RBAK: variants seen among roughly 807,000 people sequenced by gnomAD.
RBAK encodes the protein RB associated KRAB zinc finger.
In RBAK, 39 loss-of-function variants were observed where a neutral mutation model predicts 65.8. The observed-to-expected ratio is 0.59, with a 90% CI of 0.46 to 0.77. The LOEUF is 0.77. RBAK is among the 30% of genes least tolerant of loss of function. RBAK has a pLI of 0.00. For missense variants in RBAK, 884 were observed against 855.1 expected (o/e 1.03, Z -0.42); for synonymous variants, 343 against 289.7 (o/e 1.18, Z -1.87).
chr7:5,059,931 A>T (rs1039794305), intron 4 of RBAK, among the ~76,000 whole-genome samples: 8 of 152,166 alleles, frequency 5.3e-5, no homozygotes, highest in African/African-American at 1.9e-4. Flanking sequence ...ATATATTCAA[A>T]GATTATATGT....
intron 2 of RBAK, among the ~76,000 whole-genome samples, chr7:5,050,102 G>T (rs1478873969): frequency 6.6e-6 from 1 of 152,180 alleles, no homozygotes; most frequent in Non-Finnish European, 1.5e-5. Context: ...CTCCCAAAGT[G>T]CTAGGATTAC....
chr7:5,051,352 A>C (rs1336121180), intron 2 of RBAK, among the ~76,000 whole-genome samples: 1 of 152,126 alleles, frequency 6.6e-6, no homozygotes, highest in Non-Finnish European at 1.5e-5. Context: ...ATATTTTTAT[A>C]TATTTTTTTT....
chr7:5,065,471 C>T lies in RBAK; in HGVS notation c.2015C>T (p.Thr672Ile). Residue 672 changes from threonine to isoleucine, a missense_variant, in exon 5 of 5, where the codon ACT becomes ATT. Transcript: ENST00000396912. The surrounding 1 kb of genome is among the most constrained non-coding windows in gnomAD (Gnocchi z 5.3). ...QKSYLTVHYRTHSGEKPYECN... is the reference protein window; with the variant it reads ...QKSYLTVHYRIHSGEKPYECN... Reference sequence around the variant, plus strand: ...TCATACCTCACTGTACACTATAGAACTCATTCAGGAGAGAAACCCTATGAA... The same window carrying T: ...TCATACCTCACTGTACACTATAGAATTCATTCAGGAGAGAAACCCTATGAA... 6.2e-7 allele frequency: 1 copy of T among 1,605,720 alleles called. No individual in the cohort carries two copies.
Position 5,057,434 on chromosome 7 carries a change from T to G in RBAK, c.142+13T>G, listed in dbSNP as rs748498522. 1 of 1,614,150 alleles carries G rather than the reference T, an allele frequency of 6.2e-7. No individual in the cohort carries two copies. The highest frequency in any genetic ancestry group is 1.7e-5 in the Admixed American group (1 of 60,026). On this transcript the variant is annotated intron_variant, in intron 3 of 4. Coordinates refer to ENST00000396912, the MANE Select transcript of RBAK (RefSeq NM_021163.4). ...CTAGTTTCTGTGGGTGAGAATAGCT[T>G]GCTTTCTGAATGCTCTCAGTTGAAT...
chr7:5,061,583 G>T (rs1386380033), intron 4 of RBAK, among the ~76,000 whole-genome samples: 2 of 150,084 alleles, frequency 1.3e-5, no homozygotes, highest in African/African-American at 4.9e-5. Context: ...GAGCCACCAT[G>T]CCCGGCATGA....
rs1397212014 is a variant in RBAK, at chr7:5,064,093, G to A, written c.637G>A (p.Ala213Thr). Residue 213 changes from alanine to threonine, a missense_variant, in exon 5 of 5, where the codon GCC (alanine) becomes ACC (threonine). Physicochemically the swap from Ala to Thr is moderately conservative, Grantham distance 58. Transcript: ENST00000396912. The surrounding 1 kb of genome is among the most constrained non-coding windows in gnomAD (Gnocchi z 6.3). The stretch of plus-strand genomic sequence containing the variant: ...CTTTGAATATAATGAATGCATGGAA[G>A]CCTTAGACAATGAGGCTGTTTTTAT... ...KPFEYNECME[A>T]LDNEAVFIAH... The A allele has an allele frequency of 6.2e-7, 1 of 1,613,912 alleles. No individual in the cohort carries two copies. The highest frequency in any genetic ancestry group is 8.5e-7 in the Non-Finnish European group (1 of 1,180,004).
chr7:5,051,403 T>G (rs570389982), intron 2 of RBAK, among the ~76,000 whole-genome samples: 1 of 152,310 alleles, frequency 6.6e-6, no homozygotes, highest in East Asian at 1.9e-4. Flanking sequence ...CATGCCTCTT[T>G]ACCTTATAAA....
Position 5,065,565 on chromosome 7 carries a change from A to T in RBAK, c.2109A>T (p.Arg703Ser), listed in dbSNP as rs1477124392. The change falls in exon 5 of 5, where the codon AGA (arginine) becomes AGT (serine). Residue 703 changes from arginine to serine, a missense_variant. Coordinates refer to ENST00000396912, the MANE Select transcript of RBAK (RefSeq NM_021163.4). The surrounding 1 kb of genome is among the most constrained non-coding windows in gnomAD (Gnocchi z 5.3). ...AFNSHQRIHR[R>S]GNMNVLDVEN... Reference sequence around the variant, plus strand: ...ATAGCCATCAGAGAATTCATAGAAGAGGAAATATGAACGTACTTGATGTGG... The same window carrying T: ...ATAGCCATCAGAGAATTCATAGAAGTGGAAATATGAACGTACTTGATGTGG... 1 of 1,549,806 alleles carries T rather than the reference A, an allele frequency of 6.5e-7. No homozygotes were observed. The highest frequency in any genetic ancestry group is 2.1e-5 in the Admixed American group (1 of 47,710).
chr7:5,069,142 T>C lies in RBAK; in HGVS notation c.*3541T>C, dbSNP rs888878583. On this transcript the variant is annotated 3_prime_UTR_variant, in exon 5 of 5. Transcript: ENST00000396912. ...GTATTTTTCTGCATGTGTGTTAAAC[T>C]TTCCATAAAAGTTTTCTAAAATCAC... The C allele has an allele frequency of 2.0e-4, 31 of 152,226 alleles. No homozygotes were observed. Among genetic ancestry groups the C allele is most frequent in the African/African-American group, 6.8e-4 (28 of 41,466 alleles). 9.4% of individuals were successfully genotyped at this position (152,226 alleles called of 1,614,324 possible). A position where few individuals can be genotyped will look rare whatever the true frequency, so the allele number is the denominator to read the frequency against.
rs1455395650 is a variant in RBAK at position 5,068,900 on chromosome 7, A to G, written c.*3299A>G. 1 of 152,216 alleles carries G rather than the reference A, an allele frequency of 6.6e-6. No individual in the cohort carries two copies. Among genetic ancestry groups the G allele is most frequent in the Non-Finnish European group, 1.5e-5 (1 of 68,034 alleles). 9.4% of individuals were successfully genotyped at this position (152,216 alleles called of 1,614,324 possible). A position where few individuals can be genotyped will look rare whatever the true frequency, so the allele number is the denominator to read the frequency against. On this transcript the variant is annotated 3_prime_UTR_variant, in exon 5 of 5. Transcript: ENST00000396912. ...AGCTGAATTTAACAAACCTTGCTGAATGAAAGACTCCAGACACAAAAGCCA... is the reference window on the plus strand; with the variant it reads ...AGCTGAATTTAACAAACCTTGCTGAGTGAAAGACTCCAGACACAAAAGCCA...
rs187970893 is a variant in RBAK at position 5,048,613 on chromosome 7, G to T, written c.15+522G>T. Among the ~76,000 whole-genome samples, 478 of 152,294 alleles carry T rather than the reference G, an allele frequency of 3.1e-3. 2 individuals are homozygous for T. The highest frequency in any genetic ancestry group is 5.0e-3 in the Non-Finnish European group (338 of 68,036). On this transcript the variant is annotated intron_variant, in intron 2 of 4. Coordinates refer to ENST00000396912, the MANE Select transcript of RBAK (RefSeq NM_021163.4). This position sits in a 1 kb window ranked among gnomAD's most constrained non-coding sequence, Gnocchi z 4.4. ...ATTTTAAGGCTGTTGAAATTGAGCC[G>T]CACCCAGGACTGATATTCTTGGCAG...
rs1321177068 is a variant in RBAK, at chr7:5,067,251, T to TCTATTAAA, written c.*1650_*1651insCTATTAAA. Reference sequence around the variant, plus strand: ...ATAGAGATTAGAAAAGAAGTAAAACTTTAAAAACGAAAAAGAATATAAATC... The same window carrying TCTATTAAA: ...ATAGAGATTAGAAAAGAAGTAAAACTCTATTAAATTAAAAACGAAAAAGAATATAAATC... On this transcript the variant is annotated 3_prime_UTR_variant, in exon 5 of 5. Coordinates refer to ENST00000396912, the MANE Select transcript of RBAK (RefSeq NM_021163.4). The TCTATTAAA allele has an allele frequency of 3.9e-5, 6 of 152,112 alleles. No individual in the cohort carries two copies. Among genetic ancestry groups the TCTATTAAA allele is most frequent in the Admixed American group, 3.9e-4 (6 of 15,266 alleles). 9.4% of individuals were successfully genotyped at this position (152,112 alleles called of 1,614,324 possible). A position where few individuals can be genotyped will look rare whatever the true frequency, so the allele number is the denominator to read the frequency against.
chr7:5,050,412 C>T (rs906422150), intron 2 of RBAK, among the ~76,000 whole-genome samples: 6 of 152,070 alleles, frequency 3.9e-5, no homozygotes, highest in African/African-American at 7.2e-5. Context: ...ACAGCTGTAC[C>T]GTACGTGGCA....
intron 4 of RBAK, 151 bp downstream of exon 4, chr7:5,057,930 T>G (rs1778969442): frequency 5.1e-6 from 4 of 788,546 alleles, no homozygotes; most frequent in Non-Finnish European, 8.0e-6. Flanking sequence ...TGAACTCTTT[T>G]GTTGATTTTA....
intron 4 of RBAK, among the ~76,000 whole-genome samples, chr7:5,063,175 A>G (rs1779120020): frequency 6.6e-6 from 1 of 152,206 alleles, no homozygotes; most frequent in African/African-American, 2.4e-5. Context: ...GAAATTATGA[A>G]AGTATTAATT....
chr7:5,049,604 C>T (rs1340326140), intron 2 of RBAK, among the ~76,000 whole-genome samples: 1 of 152,190 alleles, frequency 6.6e-6, no homozygotes, highest in Non-Finnish European at 1.5e-5. Context: ...ACATCTGTTA[C>T]TTCCAAACTG....
intron 2 of RBAK, among the ~76,000 whole-genome samples, chr7:5,050,268 G>T (rs546561607): frequency 6.6e-6 from 1 of 152,200 alleles, no homozygotes; most frequent in Admixed American, 6.5e-5. Context: ...AAGAAACTGG[G>T]TTGGTTATCC....
Position 5,064,276 on chromosome 7 carries a change from T to C in RBAK, c.820T>C (p.Ser274Pro). The change falls in exon 5 of 5, where the codon TCA becomes CCA. Residue 274 changes from serine to proline, a missense_variant. Physicochemically the swap from Ser to Pro is moderately conservative, Grantham distance 74. Coordinates refer to ENST00000396912, the MANE Select transcript of RBAK (RefSeq NM_021163.4). The surrounding 1 kb of genome is among the most constrained non-coding windows in gnomAD (Gnocchi z 6.3). Reference protein sequence around the residue: ...SECGKSFCKKSKFIIHQRAHT... With the variant: ...SECGKSFCKKPKFIIHQRAHT... ...ATGTGGAAAATCCTTCTGTAAAAAG[T>C]CAAAATTCATCATCCACCAGAGGGC... The C allele has an allele frequency of 1.2e-6, 2 of 1,614,108 alleles. No individual in the cohort carries two copies. The highest frequency in any genetic ancestry group is 1.7e-6 in the Non-Finnish European group (2 of 1,180,000).
chr7:5,059,881 T>A (rs567641143), intron 4 of RBAK, among the ~76,000 whole-genome samples: 131 of 152,302 alleles, frequency 8.6e-4, no homozygotes, highest in Non-Finnish European at 1.5e-3. Context: ...TATGCTCTGA[T>A]AGGAGTGTAT....
Sources: gnomAD v4.1 joint callset for allele counts (sites outside exome capture counted in the v4.1 genomes callset) on GRCh38, gnomAD v4.1.1 for gene constraint, Gnocchi (gnomAD v3.1) non-coding constraint, MANE v1.5 for transcripts, NCBI Gene and HGNC (gene_info 2026-07-23, HGNC 2026-07-21) for gene names.